Variants in LRRC9 observed in about 807,000 individuals in gnomAD.
LRRC9 encodes leucine-rich repeat-containing protein 9.
In LRRC9, 122 loss-of-function variants were observed where a neutral mutation model predicts 63.2. The observed-to-expected ratio is 1.93, with a 90% CI of 1.67 to 2.24. The LOEUF is 2.24. Ranked by LOEUF, LRRC9 falls within the 30% of genes most tolerant of loss-of-function variation. The pLI, the probability that LRRC9 is intolerant of heterozygous loss-of-function variation, is 0.00. For synonymous variants in LRRC9, 366 were observed against 213.1 expected (o/e 1.72, Z -6.25); for missense variants, 1,071 against 627.7 (o/e 1.71, Z -7.55).
At chr14:59,945,240 T>A (rs1305691572) in intron 8 of LRRC9, among the ~76,000 whole-genome samples, 1 of 151,986 alleles carries the variant, frequency 6.6e-6, no homozygotes, top group Non-Finnish European at 1.5e-5. Flanking sequence ...TATGCATTTT[T>A]ATTTAGAATA....
At chr14:60,064,540 A>C (rs1405352076), downstream of LRRC9, among the ~76,000 whole-genome samples, 1 of 152,166 alleles carries the variant, frequency 6.6e-6, no homozygotes, top group East Asian at 1.9e-4. Context: ...GTATGTCTTT[A>C]CTTTAATCAT....
At chr14:59,963,434 G>T (rs1377978564) in intron 10 of LRRC9, among the ~76,000 whole-genome samples, 1 of 151,736 alleles carries the variant, frequency 6.6e-6, no homozygotes, top group Non-Finnish European at 1.5e-5. Context: ...ATCAAGTAGG[G>T]ACTTCAAAGC....
chr14:60,038,756 A>C (rs975508132), intron 29 of LRRC9, among the ~76,000 whole-genome samples: 21 of 152,072 alleles, frequency 1.4e-4, no homozygotes, highest in Admixed American at 1.3e-4. Flanking sequence ...AATACGCTTT[A>C]TTTCTTTCTC....
At chr14:59,998,456 C>T (rs1004727170) in intron 18 of LRRC9, among the ~76,000 whole-genome samples, 1 of 151,820 alleles carries the variant, frequency 6.6e-6, no homozygotes, top group Non-Finnish European at 1.5e-5. Context: ...AGGTAATTTC[C>T]ATATTCCATG....
intron 12 of LRRC9, among the ~76,000 whole-genome samples, chr14:59,972,371 T>C (rs1422603485): frequency 2.0e-5 from 3 of 152,234 alleles, no homozygotes; most frequent in African/African-American, 7.2e-5. Context: ...AAAATACAAA[T>C]TTACATTCAT....
rs1883698155 is a variant in LRRC9, at chr14:59,955,933, T to C, written c.883-3885T>C. On this transcript the variant is annotated intron_variant, in intron 8 of 31. Transcript: ENST00000445360. ...TTCAGGAGCAGGTTGTCAATTTCCA[T>C]ATTTTTGTGTGGGTTTTAAGTGAGT... is the stretch of plus-strand genomic sequence containing the variant. Among the ~76,000 whole-genome samples, 4 of 152,142 alleles carry C rather than the reference T, an allele frequency of 2.6e-5. No individual in the cohort carries two copies. The South Asian group carries it at 8.3e-4, about 32-fold the overall frequency.
chr14:59,922,557 A>C lies in LRRC9; in HGVS notation c.-34+2674A>C, dbSNP rs1888877241. On this transcript the variant is annotated intron_variant, in intron 1 of 31. Transcript: ENST00000445360. This position sits in a 1 kb window ranked among gnomAD's most constrained non-coding sequence, Gnocchi z 5.3. ...AAATTTGACAGCAGTATTCTGAAAG[A>C]GACAGATAAGGATAGGATCAATACA... 1.3e-5 allele frequency among the ~76,000 whole-genome samples: 2 copies of C among 152,244 alleles called. No individual in the cohort carries two copies.
chr14:60,005,321 G>T (rs1172778971), intron 21 of LRRC9, among the ~76,000 whole-genome samples: 1 of 152,040 alleles, frequency 6.6e-6, no homozygotes, highest in Non-Finnish European at 1.5e-5. Flanking sequence ...CCTATCACTA[G>T]TCTCCCATTC....
At chr14:59,961,080 ATAACT>A (rs1190079346) in intron 10 of LRRC9, 35 bp downstream of exon 10, 45 of 593,502 alleles carry the variant, frequency 7.6e-5, no homozygotes, top group African/African-American at 5.6e-5. Context: ...AGCTTTAAAA[ATAACT>A]TAAGTACTTA....
Position 59,936,814 on chromosome 14 carries a change from G to A in LRRC9, c.544-1576G>A, listed in dbSNP as rs184464555. The stretch of plus-strand genomic sequence containing the variant: ...GAGAGAGTTTGGAAATACATTAACC[G>A]CCTCAACCTGTATTACTCTTGCTTC... On this transcript the variant is annotated intron_variant, in intron 6 of 31. Coordinates refer to ENST00000445360, the Ensembl canonical transcript of LRRC9. This position sits in a 1 kb window ranked among gnomAD's most constrained non-coding sequence, Gnocchi z 4.2. 1.1e-3 allele frequency among the ~76,000 whole-genome samples: 172 copies of A among 152,246 alleles called. 1 individual carries two copies. The highest frequency in any genetic ancestry group is 1.8e-3 in the Non-Finnish European group (120 of 68,020).
chr14:59,972,144 A>G lies in LRRC9; in HGVS notation c.1507-2432A>G, dbSNP rs558982477. 2.8e-4 allele frequency among the ~76,000 whole-genome samples: 42 copies of G among 152,234 alleles called. No individual in the cohort carries two copies. In the East Asian group the frequency reaches 4.4e-3, roughly 16 times the overall value. ...TGTGATTCTCCTAAGTACAGCTCAT[A>G]CCACCCTTTGATGAAATGCTGTTTT... On this transcript the variant is annotated intron_variant, in intron 12 of 31. Transcript: ENST00000445360.
Position 59,958,667 on chromosome 14 carries a change from C to T in LRRC9, c.883-1151C>T, listed in dbSNP as rs761870472. 2.6e-5 allele frequency among the ~76,000 whole-genome samples: 4 copies of T among 152,186 alleles called. No homozygotes were observed. Among genetic ancestry groups the T allele is most frequent in the Admixed American group, 1.3e-4 (2 of 15,282 alleles). On this transcript the variant is annotated intron_variant, in intron 8 of 31. Transcript: ENST00000445360. This position sits in a 1 kb window ranked among gnomAD's most constrained non-coding sequence, Gnocchi z 4.0. ...CTCGCTGGGGTTCCAGGTTACCCTG[C>T]GGTACGAAAAAATACTCCTGCAGCT...
At chr14:60,063,201 CT>C in intron 31 of LRRC9, 121 bp from the exon 33 acceptor site, 1 of 616,830 alleles carries the variant, frequency 1.6e-6, no homozygotes, top group Admixed American at 2.5e-5. Context: ...ATAATTTTGT[CT>C]TTTTGAAATT....
rs1327419919 is a variant in LRRC9, at chr14:59,958,170, C to T, written c.883-1648C>T. Among the ~76,000 whole-genome samples, 4 of 152,188 alleles carry T rather than the reference C, an allele frequency of 2.6e-5. No individual in the cohort carries two copies. Among genetic ancestry groups the T allele is most frequent in the East Asian group, 1.9e-4 (1 of 5,194 alleles). On this transcript the variant is annotated intron_variant, in intron 8 of 31. Transcript: ENST00000445360. This position sits in a 1 kb window ranked among gnomAD's most constrained non-coding sequence, Gnocchi z 4.0. ...GCTGGTGCACTGTGCTGGGCGAATC[C>T]CTCTTGTCAGGATTAGCTGCTCTCT...
At chr14:59,937,605 C>T (rs1182625878) in intron 6 of LRRC9, among the ~76,000 whole-genome samples, 1 of 152,022 alleles carries the variant, frequency 6.6e-6, no homozygotes, top group Admixed American at 6.6e-5. Context: ...TTGGCACATT[C>T]CAAAACTTCA....
rs1186905739 is a variant in LRRC9, at chr14:60,051,656, C to G, written c.3991-1409C>G. Among the ~76,000 whole-genome samples, 1 of 152,108 alleles carries G rather than the reference C, an allele frequency of 6.6e-6. No homozygotes were observed. The highest frequency in any genetic ancestry group is 2.4e-5 in the African/African-American group (1 of 41,424). ...CCTGCAGACCGACACTGCTTGGCTCCCTGGATTCAACCCCCTTCCTAGGGG... is the reference window on the plus strand; with the variant it reads ...CCTGCAGACCGACACTGCTTGGCTCGCTGGATTCAACCCCCTTCCTAGGGG... On this transcript the variant is annotated intron_variant, in intron 29 of 31. Transcript: ENST00000445360. The surrounding 1 kb of genome is among the most constrained non-coding windows in gnomAD (Gnocchi z 4.7).
chr14:59,937,240 G>C (rs1890212254), intron 6 of LRRC9, among the ~76,000 whole-genome samples: 1 of 149,002 alleles, frequency 6.7e-6, no homozygotes, highest in Non-Finnish European at 1.5e-5. Context: ...AATCTTTCAG[G>C]CTTTGTGGGC....
chr14:59,992,874 A>G (rs1888307844), intron 17 of LRRC9, among the ~76,000 whole-genome samples: 1 of 152,234 alleles, frequency 6.6e-6, no homozygotes, highest in South Asian at 2.1e-4. Flanking sequence ...CCAAGTTGGA[A>G]AACACTCTGC....
intron 29 of LRRC9, among the ~76,000 whole-genome samples, chr14:60,040,367 G>T (rs1892840839): frequency 6.6e-6 from 1 of 151,814 alleles, no homozygotes; most frequent in Non-Finnish European, 1.5e-5. Flanking sequence ...GGGTGTTAAA[G>T]TCTCCCATTA....
Sources: allele counts gnomAD v4.1 joint callset (sites outside exome capture counted in the v4.1 genomes callset), GRCh38; gene constraint gnomAD v4.1.1; non-coding constraint Gnocchi (gnomAD v3.1); transcripts MANE v1.5; gene names NCBI Gene and HGNC (gene_info 2026-07-23, HGNC 2026-07-21).